The following MKLN1 variants were observed in gnomAD, a reference collection of about 807,000 sequenced individuals.
MKLN1 encodes the protein muskelin.
Under a neutral mutation model 99.0 loss-of-function variants are expected in MKLN1, and 18 were observed. The ratio of observed to expected loss-of-function variants is 0.18; its 90% CI spans 0.13 to 0.27. The LOEUF is 0.27. Among genes scored for constraint, MKLN1 ranks in the 10% least tolerant of loss-of-function variants. The probability of loss-of-function intolerance (pLI) is 1.00; values close to 1 mark genes in which losing one functional copy is unlikely to be tolerated. For missense variants in MKLN1, 621 were observed against 875.9 expected (o/e 0.71, Z 3.67); for synonymous variants, 288 against 293.2 (o/e 0.98, Z 0.18).
intron 2 of MKLN1, among the ~76,000 whole-genome samples, 177 bp downstream of exon 2, chr7:131,375,670 T>C (rs1251306938): frequency 6.6e-6 from 1 of 152,100 alleles, no homozygotes; most frequent in African/African-American, 2.4e-5. Flanking sequence ...TTTTATCTCA[T>C]AGGCAAATGC....
intron 3 of MKLN1, among the ~76,000 whole-genome samples, chr7:131,204,851 G>A (rs958369449): frequency 1.3e-5 from 2 of 151,506 alleles, no homozygotes; most frequent in African/African-American, 2.4e-5. Context: ...GGAGAATGGC[G>A]TGAACTCAGG....
intron 1 of MKLN1, among the ~76,000 whole-genome samples, chr7:131,337,758 T>C (rs938518832): frequency 2.0e-5 from 3 of 150,564 alleles, no homozygotes; most frequent in Admixed American, 6.6e-5. Flanking sequence ...TTAATGTATG[T>C]TAATTATATA....
chr7:131,281,938 G>T (rs934334886), intron 3 of MKLN1, among the ~76,000 whole-genome samples: 2 of 152,082 alleles, frequency 1.3e-5, no homozygotes, highest in African/African-American at 4.8e-5. Context: ...CTCCCAGAGT[G>T]CTGGGATTAC....
chr7:131,192,130 T>TA (rs1200054583), intron 2 of MKLN1, among the ~76,000 whole-genome samples: 1 of 84,102 alleles, frequency 1.2e-5, no homozygotes, highest in African/African-American at 6.0e-5. Flanking sequence ...CGTATATATA[T>TA]AAAAATATAT....
At chr7:131,482,099 T>C (rs1797140506) in intron 17 of MKLN1, among the ~76,000 whole-genome samples, 1 of 152,240 alleles carries the variant, frequency 6.6e-6, no homozygotes, top group African/African-American at 2.4e-5. Flanking sequence ...ATCTTATTTC[T>C]AGAAAGTATG....
At chr7:131,448,577 T>C (rs1320625281) in intron 12 of MKLN1, among the ~76,000 whole-genome samples, 1 of 152,254 alleles carries the variant, frequency 6.6e-6, no homozygotes, top group Non-Finnish European at 1.5e-5. Flanking sequence ...TTAAAACTTA[T>C]TTATTGTATA....
intron 1 of MKLN1, among the ~76,000 whole-genome samples, chr7:131,375,187 A>C (rs1040927559): frequency 6.6e-6 from 1 of 152,172 alleles, no homozygotes; most frequent in Admixed American, 6.5e-5. Flanking sequence ...ATTTTAAACA[A>C]AAGTGCCTTA....
At chr7:131,110,995 G>A (rs1285159275) in intron 1 of MKLN1, among the ~76,000 whole-genome samples, 1 of 152,172 alleles carries the variant, frequency 6.6e-6, no homozygotes, top group African/African-American at 2.4e-5. Context: ...CTGAGAGCAG[G>A]GAAATATACG....
At chr7:131,437,692 T>TA in intron 9 of MKLN1, 93 bp from the exon 10 acceptor site, 1 of 983,124 alleles carries the variant, frequency 1.0e-6, no homozygotes, top group South Asian at 1.6e-5. Context: ...TGAAAGGTAA[T>TA]AAAAAATGAC....
chr7:131,400,518 A>AAT (rs56156009), intron 6 of MKLN1, among the ~76,000 whole-genome samples: 19,825 of 137,278 alleles, frequency 0.14, 1,482 homozygotes, highest in Middle Eastern at 0.24. Context: ...ATAAAAAAAA[A>AAT]ATATATATAT....
intron 3 of MKLN1, among the ~76,000 whole-genome samples, chr7:131,233,328 C>A (rs1231998975): frequency 6.6e-6 from 1 of 151,368 alleles, no homozygotes; most frequent in Non-Finnish European, 1.5e-5. Context: ...ATCTACGATG[C>A]CACTGCACTC....
intron 1 of MKLN1, among the ~76,000 whole-genome samples, chr7:131,131,356 A>G (rs1237429135): frequency 1.3e-5 from 2 of 152,192 alleles, no homozygotes; most frequent in East Asian, 3.8e-4. Context: ...AGCCTGGGCG[A>G]TAAAGCAAGA....
chr7:131,222,597 C>T (rs1797075877), intron 3 of MKLN1, among the ~76,000 whole-genome samples: 2 of 152,132 alleles, frequency 1.3e-5, no homozygotes, highest in South Asian at 4.1e-4. Flanking sequence ...TGTGTGCCTC[C>T]TGGTGTATCC....
At chr7:131,374,670 G>T (rs1326848166) in intron 1 of MKLN1, among the ~76,000 whole-genome samples, 1 of 152,016 alleles carries the variant, frequency 6.6e-6, no homozygotes, top group Non-Finnish European at 1.5e-5. Flanking sequence ...ACAGTTTCCA[G>T]TGAAAAAGCG....
At chr7:131,423,583 C>T (rs1486053353) in intron 8 of MKLN1, among the ~76,000 whole-genome samples, 5 of 152,140 alleles carry the variant, frequency 3.3e-5, no homozygotes, top group East Asian at 1.9e-4. Flanking sequence ...CCGCCTGCCT[C>T]GGCCTCCCAA....
intron 2 of MKLN1, among the ~76,000 whole-genome samples, chr7:131,185,502 G>A (rs993824176): frequency 1.3e-5 from 2 of 151,452 alleles, no homozygotes; most frequent in Admixed American, 1.3e-4. Context: ...CTGGAGAATC[G>A]CTTGAACCTG....
chr7:131,260,090 G>C (rs1458836464), intron 3 of MKLN1, among the ~76,000 whole-genome samples: 1 of 151,746 alleles, frequency 6.6e-6, no homozygotes, highest in Non-Finnish European at 1.5e-5. Context: ...GTGTCGCCCA[G>C]GCTGGAGTAC....
At chr7:131,196,515 C>A (rs1185775618) in intron 2 of MKLN1, among the ~76,000 whole-genome samples, 1 of 115,786 alleles carries the variant, frequency 8.6e-6, no homozygotes, top group African/African-American at 3.3e-5. Flanking sequence ...TAAGCTAATA[C>A]TCGACACATT....
At chr7:131,401,233 G>A (rs558490042) in intron 6 of MKLN1, among the ~76,000 whole-genome samples, 9 of 152,268 alleles carry the variant, frequency 5.9e-5, no homozygotes, top group Middle Eastern at 3.4e-3. Flanking sequence ...TTAAGAAAGT[G>A]TAAGGCTCTA....
Sources: allele counts gnomAD v4.1 joint callset (sites outside exome capture counted in the v4.1 genomes callset), GRCh38; gene constraint gnomAD v4.1.1; transcripts MANE v1.5; gene names NCBI Gene and HGNC (gene_info 2026-07-23, HGNC 2026-07-21).